The following BSN variants were observed in gnomAD, a reference collection of about 807,000 sequenced individuals.
The protein encoded by BSN is protein bassoon.
A neutral mutation model predicts 264.8 loss-of-function variants in BSN; 57 were observed. The ratio of observed to expected loss-of-function variants is 0.22; its 90% CI spans 0.17 to 0.27. The LOEUF (loss-of-function observed/expected upper bound fraction) is 0.27. Among genes scored for constraint, BSN ranks in the 10% least tolerant of loss-of-function variants. The pLI is 1.00. For missense variants in BSN, 4,615 were observed against 5,232.5 expected (o/e 0.88, Z 3.64); for synonymous variants, 2,059 against 2,137.3 (o/e 0.96, Z 1.01).
Position 49,657,592 on chromosome 3 carries a change from A to T in BSN, c.8036A>T (p.Asp2679Val). ...ISDCSVQTEP[D>V]QLPRVSPAIH... Reference sequence around the variant, plus strand: ...GACTGCTCCGTGCAGACGGAGCCTGACCAGCTGCCCAGGGTCTCTCCAGCC... The same window carrying T: ...GACTGCTCCGTGCAGACGGAGCCTGTCCAGCTGCCCAGGGTCTCTCCAGCC... The change falls in exon 5 of 12, where the codon GAC becomes GTC. Residue 2679 changes from aspartate (D) to valine (V), a missense_variant. Asp to Val is a radical substitution (Grantham distance 152, BLOSUM62 -3). Coordinates refer to ENST00000296452, the MANE Select transcript of BSN (RefSeq NM_003458.4). 6.2e-7 allele frequency: 1 copy of T among 1,611,564 alleles called. No individual in the cohort carries two copies. The highest frequency in any genetic ancestry group is 1.1e-5 in the South Asian group (1 of 90,984).
Position 49,642,429 on chromosome 3 carries a change from A to C in BSN, c.795A>C (p.Arg265Ser). The change falls in exon 3 of 12, where the codon AGA becomes AGC. Residue 265 changes from arginine to serine, a missense_variant. Physicochemically the swap from Arg to Ser is moderately radical, Grantham distance 110. This residue lies in a region of BSN where 1,197 missense variants were observed against 1,348.0 expected (regional missense o/e 0.89). Transcript: ENST00000296452. This position sits in a 1 kb window ranked among gnomAD's most constrained non-coding sequence, Gnocchi z 7.0. ...CCCTGGGGAAGCCAGACCAAGAGAG[A>C]TCTCGGGGCCCAGGAGGACCACAGC... ...KQPLGKPDQERSRGPGGPQPG... is the reference protein window; with the variant it reads ...KQPLGKPDQESSRGPGGPQPG... 5 of 1,600,474 alleles carry C rather than the reference A, an allele frequency of 3.1e-6. No individual in the cohort carries two copies. The East Asian group carries it at 1.1e-4, about 36-fold the overall frequency.
At position 49,660,497 on chromosome 3, in the gene BSN, G is replaced by T; in HGVS notation, c.8652G>T (p.Leu2884Phe). The T allele has an allele frequency of 6.5e-7, 1 of 1,530,952 alleles. No homozygotes were observed. The highest frequency in any genetic ancestry group is 1.3e-5 in the South Asian group (1 of 77,266). The allele number at this position is 1,530,952 out of a possible 1,614,324, so 94.8% of individuals were successfully genotyped here. ...QGGLGSQVSA[L>F]PPNSLVRKVK... ...TCCCTCTGTCTCAGGTGTCGGCGTTGCCACCCAACAGCCTGGTCCGCAAGG... is the reference window on the plus strand; with the variant it reads ...TCCCTCTGTCTCAGGTGTCGGCGTTTCCACCCAACAGCCTGGTCCGCAAGG... Residue 2884 changes from leucine to phenylalanine, a missense_variant, in exon 6 of 12, where the codon TTG (leucine) becomes TTT (phenylalanine). Physicochemically the swap from Leu to Phe is conservative, Grantham distance 22. Coordinates refer to ENST00000296452, the MANE Select transcript of BSN (RefSeq NM_003458.4). This position sits in a 1 kb window ranked among gnomAD's most constrained non-coding sequence, Gnocchi z 7.1.
chr3:49,636,111 T>A (rs2052418527), intron 2 of BSN, among the ~76,000 whole-genome samples: 1 of 152,254 alleles, frequency 6.6e-6, no homozygotes, highest in East Asian at 1.9e-4. Flanking sequence ...TGTACAGCAA[T>A]TAATTATTCC....
chr3:49,574,487 G>A (rs2108010034), intron 1 of BSN, among the ~76,000 whole-genome samples: 1 of 152,088 alleles, frequency 6.6e-6, no homozygotes, highest in African/African-American at 2.4e-5. Context: ...CAGTTGGAGT[G>A]CAATGGCGTG....
chr3:49,570,728 GCCTGGT>G (rs1174205811), intron 1 of BSN, among the ~76,000 whole-genome samples: 1 of 152,240 alleles, frequency 6.6e-6, no homozygotes, highest in Non-Finnish European at 1.5e-5. Context: ...TAGCCAGAGA[GCCTGGT>G]GGGGACTCTT....
chr3:49,637,822 C>A (rs2052429972), intron 2 of BSN, among the ~76,000 whole-genome samples: 1 of 152,224 alleles, frequency 6.6e-6, no homozygotes, highest in African/African-American at 2.4e-5. Context: ...TTGTACTGCA[C>A]TGAGCCTTCC....
At position 49,642,458 on chromosome 3, in the gene BSN, G is replaced by T; in HGVS notation, c.824G>T (p.Gly275Val). The change falls in exon 3 of 12, where the codon GGG (glycine) becomes GTG (valine). Residue 275 changes from glycine (G) to valine (V), a missense_variant. Gly to Val is a moderately radical substitution (Grantham distance 109). This residue lies in a region of BSN where 1,197 missense variants were observed against 1,348.0 expected (regional missense o/e 0.89). Coordinates refer to ENST00000296452, the MANE Select transcript of BSN (RefSeq NM_003458.4). The surrounding 1 kb of genome is among the most constrained non-coding windows in gnomAD (Gnocchi z 7.0). ...RSRGPGGPQP[G>V]SRQAETARAT... The stretch of plus-strand genomic sequence containing the variant: ...CGGGGCCCAGGAGGACCACAGCCTG[G>T]GTCCCGCCAGGCTGAGACAGCCAGG... The T allele has an allele frequency of 6.3e-7, 1 of 1,587,352 alleles. No homozygotes were observed. Among genetic ancestry groups the T allele is most frequent in the Non-Finnish European group, 8.6e-7 (1 of 1,168,410 alleles).
intron 2 of BSN, among the ~76,000 whole-genome samples, chr3:49,637,724 C>A (rs767799076): frequency 6.6e-6 from 1 of 152,196 alleles, no homozygotes; most frequent in Non-Finnish European, 1.5e-5. Context: ...AAGTCCCTAG[C>A]AGACAGGTGG....
Position 49,642,189 on chromosome 3 carries a change from C to T in BSN, c.634-79C>T, listed in dbSNP as rs995602033. ...CCTGTGCTAGGAGTGGCCTTGGCTG[C>T]TGTGGGGCCTGCACTGACCTGGGCC... On this transcript the variant is annotated intron_variant, in intron 2 of 11. Transcript: ENST00000296452. This position sits in a 1 kb window ranked among gnomAD's most constrained non-coding sequence, Gnocchi z 7.0. 2.5e-6 allele frequency: 3 copies of T among 1,195,164 alleles called. No homozygotes were observed. Among genetic ancestry groups the T allele is most frequent in the African/African-American group, 3.2e-5 (2 of 63,112 alleles). 74.0% of individuals were successfully genotyped at this position (1,195,164 alleles called of 1,614,324 possible).
chr3:49,644,699 A>G (rs2052492656), intron 3 of BSN, among the ~76,000 whole-genome samples: 1 of 152,310 alleles, frequency 6.6e-6, no homozygotes, highest in East Asian at 1.9e-4. Flanking sequence ...CAGGTGGGGC[A>G]CACTGACACT....
chr3:49,599,712 A>G (rs1344268257), intron 1 of BSN, among the ~76,000 whole-genome samples: 2 of 152,168 alleles, frequency 1.3e-5, no homozygotes, highest in East Asian at 3.8e-4. Context: ...AAGTTGTTTT[A>G]TTGGAGAAAG....
At position 49,652,805 on chromosome 3, in the gene BSN, C is replaced by T. The variant is rs1020844729; in HGVS notation, c.3249C>T (p.Ala1083=). ...GGCGGGACAAGGAAGAACTGCGGGC[C>T]CAGCGGAGGCGAGAGCGCTCCAAGA... is the stretch of plus-strand genomic sequence containing the variant. ...KTRRDKEELR[A]QRRRERSKTP... Residue 1083 remains alanine (A), a synonymous_variant, in exon 5 of 12, where the codon GCC becomes GCT. Coordinates refer to ENST00000296452, the MANE Select transcript of BSN (RefSeq NM_003458.4). 7 of 1,557,362 alleles carry T rather than the reference C, an allele frequency of 4.5e-6. No homozygotes were observed. The highest frequency in any genetic ancestry group is 6.1e-6 in the Non-Finnish European group (7 of 1,150,408).
At chr3:49,665,343 T>C (rs1304407158) in intron 11 of BSN, 25 bp downstream of exon 11, 2 of 152,964 alleles carry the variant, frequency 1.3e-5, no homozygotes, top group African/African-American at 4.8e-5. Flanking sequence ...CAGGGTGAGA[T>C]GGGCCGGAGG....
intron 1 of BSN, among the ~76,000 whole-genome samples, chr3:49,605,127 G>A (rs2052102345): frequency 6.7e-6 from 1 of 148,692 alleles, no homozygotes; most frequent in Non-Finnish European, 1.5e-5. Context: ...AGACATGGTG[G>A]TGGGTGCCTG....
In BSN at chr3:49,653,272, A is replaced by G; in HGVS notation, c.3716A>G (p.Gln1239Arg). The change falls in exon 5 of 12, where the codon CAG (glutamine) becomes CGG (arginine). Residue 1239 changes from glutamine to arginine, a missense_variant. Physicochemically the swap from Gln to Arg is conservative, Grantham distance 43 (BLOSUM62 1). Coordinates refer to ENST00000296452, the MANE Select transcript of BSN (RefSeq NM_003458.4). This position sits in a 1 kb window ranked among gnomAD's most constrained non-coding sequence, Gnocchi z 6.3. ...GACACTACAGACCGTGAGTATGGCC[A>G]GGCTGCTCAGCCTGCCGCAGAGGGC... ...YQDTTDREYG[Q>R]AAQPAAEGTP... The G allele has an allele frequency of 6.2e-7, 1 of 1,612,028 alleles. No individual in the cohort carries two copies. Among genetic ancestry groups the G allele is most frequent in the South Asian group, 1.1e-5 (1 of 91,040 alleles).
chr3:49,628,272 G>A (rs139378532), intron 2 of BSN, among the ~76,000 whole-genome samples: 11 of 112,962 alleles, frequency 9.7e-5, no homozygotes, highest in Admixed American at 8.1e-4. Context: ...CAGTTGTGCC[G>A]AATGGCTGCA....
Position 49,651,098 on chromosome 3 carries a change from C to T in BSN, c.1986+19C>T. 1 of 1,589,414 alleles carries T rather than the reference C, an allele frequency of 6.3e-7. No homozygotes were observed. Among genetic ancestry groups the T allele is most frequent in the Non-Finnish European group, 8.5e-7 (1 of 1,172,954 alleles). ...GGCGGAGGTCAGTCCCATTCACTTC[C>T]CAGAGACCCTAGCTTTCAGACAGGA... is the stretch of plus-strand genomic sequence containing the variant. On this transcript the variant is annotated intron_variant, in intron 4 of 11. Coordinates refer to ENST00000296452, the MANE Select transcript of BSN (RefSeq NM_003458.4). This position sits in a 1 kb window ranked among gnomAD's most constrained non-coding sequence, Gnocchi z 5.4.
rs1356642911 is a variant in BSN at position 49,655,542 on chromosome 3, T to A, written c.5986T>A (p.Tyr1996Asn). 7 of 1,612,514 alleles carry A rather than the reference T, an allele frequency of 4.3e-6. No individual in the cohort carries two copies. Among genetic ancestry groups the A allele is most frequent in the Non-Finnish European group, 5.9e-6 (7 of 1,179,418 alleles). ...CAATTTGGCTGAGGCTGGCCTCAAC[T>A]ACCATGCCCAGAGGATCGGGCAGCT... Reference protein sequence around the residue: ...DTNLAEAGLNYHAQRIGQLFQ... With the variant: ...DTNLAEAGLNNHAQRIGQLFQ... The change falls in exon 5 of 12, where the codon TAC becomes AAC. Residue 1996 changes from tyrosine (Y) to asparagine (N), a missense_variant. Tyr to Asn is a moderately radical substitution (Grantham distance 143). This residue lies in a region of BSN where 3,415 missense variants were observed against 3,866.4 expected (regional missense o/e 0.88). Transcript: ENST00000296452.
chr3:49,633,078 G>A (rs1366922479), intron 2 of BSN, among the ~76,000 whole-genome samples: 2 of 152,042 alleles, frequency 1.3e-5, no homozygotes, highest in African/African-American at 4.8e-5. Context: ...AGGCTGAGGC[G>A]GGTGGATCAC....
Sources: gnomAD v4.1 joint callset for allele counts (sites outside exome capture counted in the v4.1 genomes callset) on GRCh38, gnomAD v4.1.1 for gene constraint, gnomAD v4.1.1 regional missense constraint, Gnocchi (gnomAD v3.1) non-coding constraint, MANE v1.5 for transcripts, NCBI Gene and HGNC (gene_info 2026-07-23, HGNC 2026-07-21) for gene names.